INTS14: variants seen among roughly 807,000 people sequenced by gnomAD.
INTS14 encodes the protein integrator complex subunit 14.
In INTS14, 27 loss-of-function variants were observed where a neutral mutation model predicts 56.9. The observed-to-expected ratio is 0.47, with a 90% CI of 0.35 to 0.65. INTS14 has a LOEUF of 0.65. Ranked by LOEUF, INTS14 falls within the 30% of genes least tolerant of loss-of-function variation. The pLI, the probability that INTS14 is intolerant of heterozygous loss-of-function variation, is 0.00. For synonymous variants in INTS14, 207 were observed against 236.2 expected, an observed-to-expected ratio of 0.88 and a Z score of 1.13; for missense variants, 517 against 632.2, an observed-to-expected ratio of 0.82 and a Z score of 1.95.
chr15:65,588,717 A>C (rs112427353), intron 9 of INTS14, among the ~76,000 whole-genome samples: 7 of 152,096 alleles, frequency 4.6e-5, no homozygotes, highest in African/African-American at 1.7e-4. Context: ...GAAACAAATA[A>C]GTTTTAAAAA....
At chr15:65,594,486 A>G (rs2073140518) in intron 7 of INTS14, among the ~76,000 whole-genome samples, 1 of 147,618 alleles carries the variant, frequency 6.8e-6, no homozygotes, top group Non-Finnish European at 1.5e-5. Context: ...TCCGCCTCCC[A>G]GGTTCACCCC....
intron 10 of INTS14, among the ~76,000 whole-genome samples, chr15:65,583,115 T>C (rs892442400): frequency 2.6e-5 from 4 of 152,198 alleles, no homozygotes; most frequent in Admixed American, 6.5e-5. Context: ...GTGGCTGCTG[T>C]GAGAGAGTGT....
At chr15:65,609,035 C>T (rs2073758484) in intron 1 of INTS14, among the ~76,000 whole-genome samples, 1 of 152,164 alleles carries the variant, frequency 6.6e-6, no homozygotes, top group African/African-American at 2.4e-5. Context: ...GTAGCCGGGA[C>T]TACAGGCGCG....
intron 7 of INTS14, among the ~76,000 whole-genome samples, chr15:65,594,251 T>G (rs2073131182): frequency 6.6e-6 from 1 of 152,202 alleles, no homozygotes; most frequent in Non-Finnish European, 1.5e-5. Context: ...TTCCTACAAT[T>G]AACTTCCCTC....
intron 1 of INTS14, among the ~76,000 whole-genome samples, chr15:65,609,082 G>T (rs2141338564): frequency 6.6e-6 from 1 of 152,242 alleles, no homozygotes; most frequent in Non-Finnish European, 1.5e-5. Context: ...ACCACACTCG[G>T]CTAATTTTTG....
chr15:65,606,113 G>C (rs2073636313), intron 2 of INTS14, among the ~76,000 whole-genome samples: 1 of 151,934 alleles, frequency 6.6e-6, no homozygotes, highest in Non-Finnish European at 1.5e-5. Context: ...AAATTAGCCG[G>C]GCGAGGTGGC....
intron 11 of INTS14, among the ~76,000 whole-genome samples, chr15:65,581,155 G>A (rs968394046): frequency 1.3e-5 from 2 of 152,096 alleles, no homozygotes; most frequent in East Asian, 1.9e-4. Flanking sequence ...CGAGGCGAGC[G>A]GATTACCTGT....
intron 11 of INTS14, among the ~76,000 whole-genome samples, chr15:65,579,911 G>A (rs2072530130): frequency 6.6e-6 from 1 of 152,176 alleles, no homozygotes; most frequent in Non-Finnish European, 1.5e-5. Flanking sequence ...CAGTTAATGA[G>A]CATTTATGCC....
intron 9 of INTS14, among the ~76,000 whole-genome samples, chr15:65,588,599 T>C (rs1256276704): frequency 1.3e-5 from 2 of 148,940 alleles, no homozygotes; most frequent in Non-Finnish European, 1.5e-5. Context: ...ACCTGGGAGG[T>C]GAAGGTTGCA....
At chr15:65,606,252 C>CAA (rs372473798) in intron 2 of INTS14, among the ~76,000 whole-genome samples, 17 of 62,332 alleles carry the variant, frequency 2.7e-4, no homozygotes, top group East Asian at 5.0e-4. Flanking sequence ...GACTCCGTCT[C>CAA]AAAAAAAAAA....
chr15:65,603,734 A>C (rs1468219341), intron 3 of INTS14, among the ~76,000 whole-genome samples: 7 of 152,228 alleles, frequency 4.6e-5, no homozygotes, highest in African/African-American at 1.7e-4. Context: ...CATGGCCCAC[A>C]GGCTAAATTT....
At chr15:65,594,541 T>C (rs1227175845) in intron 7 of INTS14, among the ~76,000 whole-genome samples, 3 of 148,996 alleles carry the variant, frequency 2.0e-5, no homozygotes, top group Non-Finnish European at 4.5e-5. Flanking sequence ...TACAGGCGCC[T>C]GCCACTACGC....
rs571403698 is a variant in INTS14 at position 65,582,754 on chromosome 15, AGT to A, written c.1240-737_1240-736del. ...GTGTATCAAAGGACACTATAAAGAG[AGT>A]GAAAAGATAACTCACAAAATGGGAG... On this transcript the variant is annotated intron_variant, in intron 10 of 11. Coordinates refer to ENST00000313182, the MANE Select transcript of INTS14 (RefSeq NM_001394796.1). Among the ~76,000 whole-genome samples, 484 of 152,340 alleles carry A rather than the reference AGT, an allele frequency of 3.2e-3. 3 individuals are homozygous for A. Among genetic ancestry groups the A allele is most frequent in the Non-Finnish European group, 4.0e-3 (273 of 68,034 alleles).
chr15:65,584,667 G>T, intron 10 of INTS14, 103 bp downstream of exon 10: 1 of 935,034 alleles, frequency 1.1e-6, no homozygotes, highest in Non-Finnish European at 1.6e-6. Context: ...AGAAGTAAAT[G>T]AATTACTAAG....
At chr15:65,586,820 T>C (rs1041984038) in intron 9 of INTS14, 1 of 151,968 alleles carries the variant, frequency 6.6e-6, no homozygotes, top group Admixed American at 6.6e-5. Context: ...GAACAGAGAA[T>C]ACAGAAAGAG....
chr15:65,609,042 C>A (rs766066149), intron 1 of INTS14, among the ~76,000 whole-genome samples: 6 of 152,154 alleles, frequency 3.9e-5, no homozygotes, highest in Non-Finnish European at 8.8e-5. Flanking sequence ...GGACTACAGG[C>A]GCGAGTAGCC....
chr15:65,588,352 A>C (rs956333260), intron 9 of INTS14, among the ~76,000 whole-genome samples: 2 of 151,678 alleles, frequency 1.3e-5, no homozygotes, highest in East Asian at 3.9e-4. Context: ...AGAAATAGGG[A>C]CATACCTATA....
chr15:65,590,494 C>T (rs2072985425), intron 9 of INTS14, among the ~76,000 whole-genome samples: 1 of 152,222 alleles, frequency 6.6e-6, no homozygotes, highest in South Asian at 2.1e-4. Flanking sequence ...CTCCCACACC[C>T]ACTCTCACAT....
At chr15:65,590,474 C>T (rs1266156872) in intron 9 of INTS14, among the ~76,000 whole-genome samples, 2 of 152,214 alleles carry the variant, frequency 1.3e-5, no homozygotes, top group East Asian at 1.9e-4. Context: ...CTCCAATCTA[C>T]CATCTGCCCC....
Sources: allele counts gnomAD v4.1 joint callset (sites outside exome capture counted in the v4.1 genomes callset), GRCh38; gene constraint gnomAD v4.1.1; transcripts MANE v1.5; gene names NCBI Gene and HGNC (gene_info 2026-07-23, HGNC 2026-07-21).